SSB: variants seen among roughly 807,000 people sequenced by gnomAD.
SSB encodes small RNA binding exonuclease protection factor La.
A neutral mutation model predicts 52.9 loss-of-function variants in SSB; 17 were observed. That is an observed-to-expected ratio of 0.32 (90% CI 0.22 to 0.48). The LOEUF (loss-of-function observed/expected upper bound fraction) is 0.48, where lower values mean the gene tolerates loss of function less well. Ranked by LOEUF, SSB falls within the 20% of genes least tolerant of loss-of-function variation. SSB has a pLI of 0.99. For missense variants in SSB, 314 were observed against 463.6 expected (o/e 0.68, Z 2.96); for synonymous variants, 111 against 152.1 (o/e 0.73, Z 1.99).
Position 169,810,932 on chromosome 2 carries a change from A to G in SSB, c.885A>G (p.Gln295=), listed in dbSNP as rs1356228346. 8 of 1,613,766 alleles carry G rather than the reference A, an allele frequency of 5.0e-6. 1 individual carries two copies. The Admixed American group carries it at 8.3e-5, about 17-fold the overall frequency. ...KAKDANNGNL[Q]LRNKEVTWEV... ...AAGATGCAAATAATGGTAACCTACA[A>G]TTAAGGAACAAAGAAGTGACTTGGG... Residue 295 remains glutamine, a synonymous_variant, in exon 10 of 12, where the codon CAA becomes CAG. Coordinates refer to ENST00000260956, the MANE Select transcript of SSB (RefSeq NM_003142.5).
chr2:169,801,598 G>C (rs1689714697), intron 2 of SSB, among the ~76,000 whole-genome samples: 1 of 139,810 alleles, frequency 7.2e-6, no homozygotes, highest in Non-Finnish European at 1.5e-5. Flanking sequence ...CACTACAACA[G>C]TATTGGCTCA....
intron 4 of SSB, 55 bp downstream of exon 4, chr2:169,805,894 A>G (rs1689819075): frequency 1.3e-6 from 2 of 1,520,192 alleles, no homozygotes; most frequent in African/African-American, 1.4e-5. Flanking sequence ...AAAGTAAAGT[A>G]CGGAAGAATA....
chr2:169,811,906 A>G lies in SSB; in HGVS notation c.*150A>G, dbSNP rs772545794. 1.3e-6 allele frequency: 2 copies of G among 1,583,112 alleles called. No individual in the cohort carries two copies. Among genetic ancestry groups the G allele is most frequent in the South Asian group, 1.1e-5 (1 of 88,484 alleles). ...TTGTTGTTTAACTTGTCTTTTTGTT[A>G]TGCAAATGAGATTTCTTTGAATGTA... On this transcript the variant is annotated 3_prime_UTR_variant, in exon 12 of 12. Coordinates refer to ENST00000260956, the MANE Select transcript of SSB (RefSeq NM_003142.5).
rs1237885774 is a variant in SSB, at chr2:169,811,253, G to T, written c.1068G>T (p.Gln356His). 2.5e-6 allele frequency: 4 copies of T among 1,610,430 alleles called. No homozygotes were observed. In the African/African-American group the frequency reaches 5.4e-5, roughly 22 times the overall value. ...CTGGGTCTGGTAAAGGAAAAGTACA[G>T]TTTCAGGGCAAGAAAACGAAATTTG... is the stretch of plus-strand genomic sequence containing the variant. ...AQPGSGKGKV[Q>H]FQGKKTKFAS... is the part of the protein sequence containing the mutation. Residue 356 changes from glutamine to histidine, a missense_variant, in exon 11 of 12, where the codon CAG becomes CAT. Coordinates refer to ENST00000260956, the MANE Select transcript of SSB (RefSeq NM_003142.5).
intron 8 of SSB, 148 bp downstream of exon 8, chr2:169,809,050 G>A (rs1689889486): frequency 2.8e-6 from 2 of 710,736 alleles, no homozygotes; most frequent in South Asian, 3.0e-5. Context: ...ATTATATTGA[G>A]GGAAAAGAGA....
At chr2:169,806,402 T>C (rs1558971106) in intron 4 of SSB, among the ~76,000 whole-genome samples, 1 of 152,258 alleles carries the variant, frequency 6.6e-6, no homozygotes, top group Non-Finnish European at 1.5e-5. Flanking sequence ...GCTGTTCTTA[T>C]TTATCAGCAG....
In SSB at chr2:169,808,846, A is replaced by G; in HGVS notation, c.627-14A>G. The G allele has an allele frequency of 1.3e-6, 2 of 1,564,124 alleles. No individual in the cohort carries two copies. The highest frequency in any genetic ancestry group is 1.8e-6 in the Non-Finnish European group (2 of 1,137,096). Reference sequence around the variant, plus strand: ...GTAAATAGAAGTATGTTATAATTATATTTTTATTTGTAGGGAGCAAGAAGC... The same window carrying G: ...GTAAATAGAAGTATGTTATAATTATGTTTTTATTTGTAGGGAGCAAGAAGC... On this transcript the variant is annotated splice_polypyrimidine_tract_variant and intron_variant, in intron 7 of 11. Transcript: ENST00000260956.
chr2:169,802,490 T>C (rs1410278310), intron 2 of SSB, among the ~76,000 whole-genome samples: 1 of 151,884 alleles, frequency 6.6e-6, no homozygotes, highest in African/African-American at 2.4e-5. Context: ...TTAATTTCTT[T>C]ATGACTATGA....
At chr2:169,806,935 C>A (rs1252262502) in intron 5 of SSB, 36 bp from the exon 6 acceptor site, 1 of 1,608,952 alleles carries the variant, frequency 6.2e-7, no homozygotes, top group Non-Finnish European at 8.5e-7. Context: ...ATATATGGGA[C>A]ATAACTTAAA....
Position 169,804,288 on chromosome 2 carries a change from A to G in SSB, c.67-1186A>G, listed in dbSNP as rs527769479. 2.4e-5 allele frequency among the ~76,000 whole-genome samples: 3 copies of G among 122,882 alleles called. No homozygotes were observed. The East Asian group carries it at 7.2e-4, about 30-fold the overall frequency. 80.6% of individuals were successfully genotyped at this position (122,882 alleles called of 152,430 possible). The stretch of plus-strand genomic sequence containing the variant: ...GAGGCAGCGTCTTACTTTGTTGCCC[A>G]GGCTGGAGTACAGTGGCACAATTAT... On this transcript the variant is annotated intron_variant, in intron 2 of 11. Coordinates refer to ENST00000260956, the MANE Select transcript of SSB (RefSeq NM_003142.5).
intron 2 of SSB, 119 bp downstream of exon 2, chr2:169,801,145 A>G (rs1558968913): frequency 1.4e-6 from 1 of 717,876 alleles, no homozygotes; most frequent in Admixed American, 3.4e-5. Flanking sequence ...TTCTTAGATG[A>G]ACATATAATA....
intron 2 of SSB, 39 bp from the exon 3 acceptor site, chr2:169,805,434 AT>A: frequency 6.9e-7 from 1 of 1,452,456 alleles, no homozygotes; most frequent in Admixed American, 1.7e-5. Context: ...TGGAGTCCAT[AT>A]TATACAGTGT....
chr2:169,806,051 G>GGC, intron 4 of SSB: 1 of 586,410 alleles, frequency 1.7e-6, no homozygotes, highest in Non-Finnish European at 3.2e-6. Context: ...GCCCACTGCA[G>GGC]TCTTGACCTC....
At chr2:169,803,968 G>T (rs976961149) in intron 2 of SSB, among the ~76,000 whole-genome samples, 1 of 152,006 alleles carries the variant, frequency 6.6e-6, no homozygotes, top group Non-Finnish European at 1.5e-5. Context: ...CGAACTTCTG[G>T]CCTCAAGAAA....
chr2:169,806,968 C>T lies in SSB; in HGVS notation c.454-3C>T, dbSNP rs1032452156. The stretch of plus-strand genomic sequence containing the variant: ...AAAAAAATATTTTCCTTCCTTTTTA[C>T]AGGGATCAATTTTTGTTGTGTTTGA... On this transcript the variant is annotated splice_polypyrimidine_tract_variant and splice_region_variant and intron_variant, in intron 5 of 11. Transcript: ENST00000260956. The T allele has an allele frequency of 1.9e-6, 3 of 1,612,710 alleles. No individual in the cohort carries two copies. The highest frequency in any genetic ancestry group is 1.3e-5 in the African/African-American group (1 of 74,922).
chr2:169,810,726 G>C (rs1573963135), intron 9 of SSB, 132 bp from the exon 10 acceptor site: 2 of 871,798 alleles, frequency 2.3e-6, no homozygotes, highest in East Asian at 5.1e-5. Context: ...CTTTTCTACT[G>C]TTCAGTAAAA....
rs1305136700 is a variant in SSB, at chr2:169,811,669, A to G, written c.1140A>G (p.Gly380=). ...HDEHDENGAT[G]PVKRAREETD... is the part of the protein sequence containing the mutation. ...CAAAAATTAATTGTTACGTTATAGG[A>G]CCTGTGAAAAGAGCAAGAGAAGAAA... Residue 380 remains glycine (G), a splice_region_variant and synonymous_variant, in exon 12 of 12, where the codon GGA becomes GGG. Coordinates refer to ENST00000260956, the MANE Select transcript of SSB (RefSeq NM_003142.5). 1 of 1,610,708 alleles carries G rather than the reference A, an allele frequency of 6.2e-7. No homozygotes were observed. The highest frequency in any genetic ancestry group is 2.2e-5 in the East Asian group (1 of 44,826).
In SSB at chr2:169,809,737, C is replaced by T. The variant is rs932373227; in HGVS notation, c.670-546C>T. ...ATGCCATTCTTCTGCCTCAGCCTCC[C>T]GAGTAGCTGGGACTACAGGCGCCTG... is the stretch of plus-strand genomic sequence containing the variant. On this transcript the variant is annotated intron_variant, in intron 8 of 11. Transcript: ENST00000260956. Among the ~76,000 whole-genome samples, 13 of 151,898 alleles carry T rather than the reference C, an allele frequency of 8.6e-5. No individual in the cohort carries two copies. In the East Asian group the frequency reaches 1.2e-3, roughly 14 times the overall value.
rs1240574532 is a variant in SSB, at chr2:169,810,886, A to AG, written c.841dup (p.Glu281GlyfsTer5). 6.2e-7 allele frequency: 1 copy of AG among 1,611,074 alleles called. No individual in the cohort carries two copies. The highest frequency in any genetic ancestry group is 1.3e-5 in the African/African-American group (1 of 74,790). On this transcript the variant is annotated frameshift_variant, in exon 10 of 12. Transcript: ENST00000260956. LOFTEE classifies it high-confidence loss of function. The stretch of plus-strand genomic sequence containing the variant: ...ATAATTCTATTTAAAGAAAAAGCCA[A>AG]GGAAGCATTGGGTAAAGCCAAAGAT...
Sources: allele counts gnomAD v4.1 joint callset (sites outside exome capture counted in the v4.1 genomes callset), GRCh38; gene constraint gnomAD v4.1.1; transcripts MANE v1.5; gene names NCBI Gene and HGNC (gene_info 2026-07-23, HGNC 2026-07-21).